CWC27: variants seen among roughly 807,000 people sequenced by gnomAD.
The protein encoded by CWC27 is spliceosome-associated protein CWC27 homolog.
A neutral mutation model predicts 63.6 loss-of-function variants in CWC27; 47 were observed. The ratio of observed to expected loss-of-function variants is 0.74; its 90% CI spans 0.58 to 0.94. The LOEUF is 0.94. Among genes scored for constraint, CWC27 ranks in the 40% least tolerant of loss-of-function variants. CWC27 has a pLI of 0.00. For synonymous variants in CWC27, 175 were observed against 179.8 expected (o/e 0.97, Z 0.22); for missense variants, 495 against 554.3 (o/e 0.89, Z 1.07).
chr5:64,777,011 A>G (rs929111323), intron 2 of CWC27, among the ~76,000 whole-genome samples: 2 of 152,110 alleles, frequency 1.3e-5, no homozygotes, highest in Admixed American at 6.6e-5. Flanking sequence ...TCAATTAAAA[A>G]ATAGAGCAAA....
intron 11 of CWC27, among the ~76,000 whole-genome samples, chr5:64,937,920 G>GTTTTTTTTTTTTTT (rs1748389647): frequency 7.8e-6 from 1 of 127,734 alleles, no homozygotes; most frequent in African/African-American, 3.5e-5. Flanking sequence ...TGCAATCTCT[G>GTTTTTTTTTTTTTT]CTTTTTTTTT....
intron 12 of CWC27, among the ~76,000 whole-genome samples, chr5:64,974,245 A>T (rs1749181623): frequency 6.6e-6 from 1 of 152,110 alleles, no homozygotes; most frequent in African/African-American, 2.4e-5. Flanking sequence ...CTCTTAAAAA[A>T]AAAAATGATA....
chr5:64,979,628 G>T (rs1001556052), intron 13 of CWC27, among the ~76,000 whole-genome samples: 1 of 152,192 alleles, frequency 6.6e-6, no homozygotes, highest in Non-Finnish European at 1.5e-5. Flanking sequence ...GCATGTGCAT[G>T]TGTGTTATGC....
At chr5:65,003,992 C>T (rs1749781921) in intron 13 of CWC27, among the ~76,000 whole-genome samples, 1 of 151,906 alleles carries the variant, frequency 6.6e-6, no homozygotes, top group Non-Finnish European at 1.5e-5. Flanking sequence ...TTACAGGCAC[C>T]CACCACCACA....
At chr5:64,820,001 C>G (rs1357185336) in intron 10 of CWC27, among the ~76,000 whole-genome samples, 2 of 152,096 alleles carry the variant, frequency 1.3e-5, no homozygotes, top group African/African-American at 4.8e-5. Flanking sequence ...TTTCATAAAA[C>G]TGATAAATAG....
rs994560979 is a variant in CWC27, at chr5:64,783,961, G to T, written c.378G>T (p.Lys126Asn). ...TLGRADELNN[K>N]HTIFGKVTGD... ...GTCGAGCAGATGAACTTAACAATAA[G>T]CATACCATCTTTGGAAAGGTTAGTG... is the stretch of plus-strand genomic sequence containing the variant. Residue 126 changes from lysine (K) to asparagine (N), a missense_variant, in exon 4 of 14, where the codon AAG becomes AAT. Lys to Asn is a moderately conservative substitution (Grantham distance 94). Transcript: ENST00000381070. The T allele has an allele frequency of 1.9e-6, 3 of 1,586,436 alleles. No individual in the cohort carries two copies. The highest frequency in any genetic ancestry group is 2.6e-6 in the Non-Finnish European group (3 of 1,168,132).
At position 64,801,327 on chromosome 5, in the gene CWC27, G is replaced by A; in HGVS notation, c.775G>A (p.Val259Ile). 1 of 1,387,076 alleles carries A rather than the reference G, an allele frequency of 7.2e-7. No individual in the cohort carries two copies. The highest frequency in any genetic ancestry group is 1.4e-5 in the South Asian group (1 of 72,744). The allele number at this position is 1,387,076 out of a possible 1,614,324, so 85.9% of individuals were successfully genotyped here. Reference sequence around the variant, plus strand: ...TGAAAAAGGTGATGCACCAGATTTAGTTGATGTAAGTATTTATTTTGGTAT... The same window carrying A: ...TGAAAAAGGTGATGCACCAGATTTAATTGATGTAAGTATTTATTTTGGTAT... ...ESEKGDAPDLVDDGEDESAEH... is the reference protein window; with the variant it reads ...ESEKGDAPDLIDDGEDESAEH... The change falls in exon 9 of 14, where the codon GTT (valine) becomes ATT (isoleucine). Residue 259 changes from valine (V) to isoleucine (I), a missense_variant. Transcript: ENST00000381070.
intron 11 of CWC27, among the ~76,000 whole-genome samples, chr5:64,909,124 A>G (rs953188856): frequency 6.6e-6 from 1 of 152,170 alleles, no homozygotes; most frequent in Non-Finnish European, 1.5e-5. Flanking sequence ...AAAGGATTTT[A>G]TTTCTCCTTC....
At chr5:64,985,496 G>C (rs1181268063) in intron 13 of CWC27, among the ~76,000 whole-genome samples, 1 of 151,934 alleles carries the variant, frequency 6.6e-6, no homozygotes, top group African/African-American at 2.4e-5. Flanking sequence ...TGTGTTTTTG[G>C]ATTTAAAACC....
Position 64,979,041 on chromosome 5 carries a change from T to C in CWC27, c.1256+1803T>C, listed in dbSNP as rs183831619. Among the ~76,000 whole-genome samples, 6 of 152,344 alleles carry C rather than the reference T, an allele frequency of 3.9e-5. No individual in the cohort carries two copies. In the East Asian group the frequency reaches 1.2e-3, roughly 29 times the overall value. ...TTTTGAATTCCTCATTAGCTTCAGA[T>C]ACCAATGATGTATTTTTAAAAGTGC... On this transcript the variant is annotated intron_variant, in intron 13 of 13. Transcript: ENST00000381070.
intron 10 of CWC27, among the ~76,000 whole-genome samples, chr5:64,858,472 T>TAAC (rs569888430): frequency 6.5e-5 from 4 of 61,142 alleles, no homozygotes; most frequent in Non-Finnish European, 1.3e-4. Flanking sequence ...AAAATAATAA[T>TAAC]AATAATAATA....
At chr5:64,806,004 A>G (rs1334342657) in intron 10 of CWC27, among the ~76,000 whole-genome samples, 1 of 152,150 alleles carries the variant, frequency 6.6e-6, no homozygotes, top group African/African-American at 2.4e-5. Flanking sequence ...TTACAGGCAA[A>G]TGATATATTG....
At chr5:64,949,225 A>G (rs1748653034) in intron 11 of CWC27, among the ~76,000 whole-genome samples, 1 of 152,032 alleles carries the variant, frequency 6.6e-6, no homozygotes. Flanking sequence ...TTTAGAGACA[A>G]ACAACATTTA....
intron 11 of CWC27, among the ~76,000 whole-genome samples, chr5:64,936,635 CT>C (rs1311326745): frequency 1.3e-5 from 2 of 152,140 alleles, no homozygotes; most frequent in African/African-American, 4.8e-5. Context: ...GGGAGGAGTC[CT>C]TCTTTTTCTA....
At chr5:64,958,161 T>G (rs1338394604) in intron 11 of CWC27, among the ~76,000 whole-genome samples, 1 of 152,104 alleles carries the variant, frequency 6.6e-6, no homozygotes, top group Non-Finnish European at 1.5e-5. Context: ...ATTCCTAATT[T>G]AGAGAGTTAA....
At chr5:64,987,433 A>G (rs1485882432) in intron 13 of CWC27, among the ~76,000 whole-genome samples, 1 of 152,208 alleles carries the variant, frequency 6.6e-6, no homozygotes, top group African/African-American at 2.4e-5. Context: ...CCTCAGAAAA[A>G]TGTTAATAAT....
At chr5:64,789,641 A>G (rs963699365) in intron 7 of CWC27, among the ~76,000 whole-genome samples, 10 of 152,048 alleles carry the variant, frequency 6.6e-5, no homozygotes, top group African/African-American at 2.4e-4. Flanking sequence ...AGGCCTTTAC[A>G]TGTGGTTTTC....
intron 10 of CWC27, among the ~76,000 whole-genome samples, chr5:64,824,884 C>T (rs1163179447): frequency 6.6e-6 from 1 of 151,890 alleles, no homozygotes; most frequent in Non-Finnish European, 1.5e-5. Context: ...AGGCACGTAC[C>T]ACCATGCCTA....
intron 10 of CWC27, among the ~76,000 whole-genome samples, chr5:64,825,606 A>G (rs1448682719): frequency 2.6e-5 from 4 of 151,920 alleles, no homozygotes; most frequent in African/African-American, 4.8e-5. Context: ...GCTTTTAAAG[A>G]TGGAAGTTTA....
Sources: allele counts gnomAD v4.1 joint callset (sites outside exome capture counted in the v4.1 genomes callset), GRCh38; gene constraint gnomAD v4.1.1; transcripts MANE v1.5; gene names NCBI Gene and HGNC (gene_info 2026-07-23, HGNC 2026-07-21).